The following KL variants were observed in gnomAD, a reference collection of about 807,000 sequenced individuals.
KL encodes the protein alpha-klotho.
A neutral mutation model predicts 84.2 loss-of-function variants in KL; 62 were observed. That is an observed-to-expected ratio of 0.74 (90% confidence interval 0.60 to 0.91). KL has a LOEUF of 0.91. Ranked by LOEUF, KL falls within the 40% of genes least tolerant of loss-of-function variation. The probability of loss-of-function intolerance (pLI) is 0.00; values close to 1 mark genes in which losing one functional copy is unlikely to be tolerated. For missense variants in KL, 1,261 were observed against 1,305.7 expected (o/e 0.97, Z 0.53); for synonymous variants, 528 against 528.0 (o/e 1.00, Z 0.00).
intron 1 of KL, among the ~76,000 whole-genome samples, chr13:33,024,913 C>T (rs1057275049): frequency 6.6e-6 from 1 of 152,126 alleles, no homozygotes; most frequent in African/African-American, 2.4e-5. Context: ...CATTGCTCAC[C>T]AAAGGTATAC....
In KL at chr13:33,063,913, T is replaced by C; in HGVS notation, c.2766T>C (p.Ala922=). Residue 922 remains alanine (A), a synonymous_variant, in exon 5 of 5, where the codon GCT becomes GCC. Transcript: ENST00000380099. ...CTTATTCGTTTAACGACCGCACAGC[T>C]CCGAGGTTTGGCCTCTATCGTTATG... is the stretch of plus-strand genomic sequence containing the variant. The part of the protein sequence containing the change: ...YFAYSFNDRT[A]PRFGLYRYAA... The C allele has an allele frequency of 6.2e-7, 1 of 1,614,192 alleles. No homozygotes were observed. The highest frequency in any genetic ancestry group is 1.1e-5 in the South Asian group (1 of 91,080).
At chr13:33,045,058 A>G (rs1871476797) in intron 1 of KL, among the ~76,000 whole-genome samples, 1 of 152,148 alleles carries the variant, frequency 6.6e-6, no homozygotes, top group African/African-American at 2.4e-5. Flanking sequence ...TTTAATAGCA[A>G]TGGTGAGAGT....
chr13:33,059,504 G>T (rs913823813), intron 3 of KL, among the ~76,000 whole-genome samples: 1 of 150,432 alleles, frequency 6.6e-6, no homozygotes, highest in South Asian at 2.1e-4. Flanking sequence ...ATGAAGTCTC[G>T]CTCTGTCACT....
In KL at chr13:33,061,908, C is replaced by A. The variant is rs866914278; in HGVS notation, c.2701+128C>A. 1.0e-4 allele frequency: 98 copies of A among 933,338 alleles called. 1 individual carries two copies. The South Asian group carries it at 1.1e-3, about 10-fold the overall frequency. The allele number at this position is 933,338 out of a possible 1,614,324, so 57.8% of individuals were successfully genotyped here. A position where few individuals can be genotyped will look rare whatever the true frequency, so the allele number is the denominator to read the frequency against. On this transcript the variant is annotated intron_variant, in intron 4 of 4. Coordinates refer to ENST00000380099, the MANE Select transcript of KL (RefSeq NM_004795.4). The stretch of plus-strand genomic sequence containing the variant: ...GGAGGGCTATCCATTTTGTGCCTCA[C>A]TGAAACAGTCCAAGAGATATCTAGC...
chr13:33,017,196 C>T lies in KL; in HGVS notation c.756C>T (p.Arg252=), dbSNP rs1219198487. 6.3e-7 allele frequency: 1 copy of T among 1,597,644 alleles called. No homozygotes were observed. Among genetic ancestry groups the T allele is most frequent in the Non-Finnish European group, 8.5e-7 (1 of 1,178,988 alleles). The change falls in exon 1 of 5, where the codon CGC becomes CGT. Residue 252 remains arginine (R), a synonymous_variant. Transcript: ENST00000380099. ...VVAWHGYATG[R]LAPGIRGSPR... ...CCTGGCACGGCTACGCCACCGGGCG[C>T]CTGGCCCCCGGCATCCGGGGCAGCC...
chr13:33,063,899 A>G lies in KL; in HGVS notation c.2752A>G (p.Asn918Asp). The change falls in exon 5 of 5, where the codon AAC becomes GAC. Residue 918 changes from asparagine (N) to aspartate (D), a missense_variant. Asn to Asp is a conservative substitution (Grantham distance 23, BLOSUM62 1). Coordinates refer to ENST00000380099, the MANE Select transcript of KL (RefSeq NM_004795.4). ...TTGCGGATACTTTGCTTATTCGTTTAACGACCGCACAGCTCCGAGGTTTGG... is the reference window on the plus strand; with the variant it reads ...TTGCGGATACTTTGCTTATTCGTTTGACGACCGCACAGCTCCGAGGTTTGG... ...NLCGYFAYSF[N>D]DRTAPRFGLY... 8 of 1,614,134 alleles carry G rather than the reference A, an allele frequency of 5.0e-6. No homozygotes were observed. The highest frequency in any genetic ancestry group is 6.8e-6 in the Non-Finnish European group (8 of 1,180,034).
chr13:33,022,407 A>T (rs1024605917), intron 1 of KL, among the ~76,000 whole-genome samples: 2 of 152,194 alleles, frequency 1.3e-5, no homozygotes, highest in Non-Finnish European at 2.9e-5. Flanking sequence ...TTTTAGGTGG[A>T]GGAGGAGAAT....
In KL at chr13:33,063,889, T is replaced by G. The variant is rs1440963137; in HGVS notation, c.2742T>G (p.Ala914=). The G allele has an allele frequency of 6.8e-6, 11 of 1,614,120 alleles. No homozygotes were observed. The Admixed American group carries it at 1.7e-4, about 24-fold the overall frequency. ...LDGINLCGYF[A]YSFNDRTAPR... is the part of the protein sequence containing the mutation. ...GTATCAATCTTTGCGGATACTTTGCTTATTCGTTTAACGACCGCACAGCTC... is the reference window on the plus strand; with the variant it reads ...GTATCAATCTTTGCGGATACTTTGCGTATTCGTTTAACGACCGCACAGCTC... The change falls in exon 5 of 5, where the codon GCT becomes GCG. Residue 914 remains alanine, a synonymous_variant. Coordinates refer to ENST00000380099, the MANE Select transcript of KL (RefSeq NM_004795.4).
chr13:33,061,011 C>T lies in KL; in HGVS notation c.1932C>T (p.Asn644=), dbSNP rs1872163061. 1 of 1,612,892 alleles carries T rather than the reference C, an allele frequency of 6.2e-7. No individual in the cohort carries two copies. Residue 644 remains asparagine, a synonymous_variant, in exon 4 of 5, where the codon AAC becomes AAT. Coordinates refer to ENST00000380099, the MANE Select transcript of KL (RefSeq NM_004795.4). ...CCCTGTGGCAGCCTATGGCCCCGAACCAAGGACTGCCGCGCCTCCTGGCCA... is the reference window on the plus strand; with the variant it reads ...CCCTGTGGCAGCCTATGGCCCCGAATCAAGGACTGCCGCGCCTCCTGGCCA... The part of the protein sequence containing the change: ...VVALWQPMAP[N]QGLPRLLARQ...
chr13:33,044,711 C>T (rs1363383355), intron 1 of KL, among the ~76,000 whole-genome samples: 2 of 119,236 alleles, frequency 1.7e-5, no homozygotes, highest in Admixed American at 1.2e-4. Flanking sequence ...AGTGCAGTGG[C>T]GTGATCAGCA....
At chr13:33,056,173 G>C (rs1050926052) in intron 3 of KL, among the ~76,000 whole-genome samples, 3 of 152,194 alleles carry the variant, frequency 2.0e-5, no homozygotes, top group African/African-American at 7.2e-5. Flanking sequence ...TAAGTAACAA[G>C]GGCGGGGCTG....
In KL at chr13:33,064,287, A is replaced by G. The variant is rs2138248100; in HGVS notation, c.*101A>G. The G allele has an allele frequency of 1.1e-6, 1 of 922,740 alleles. No individual in the cohort carries two copies. The highest frequency in any genetic ancestry group is 2.6e-5 in the East Asian group (1 of 39,198). The allele number at this position is 922,740 out of a possible 1,614,324, so 57.2% of individuals were successfully genotyped here. ...AGTGTTGTGAAACTGTAAATTTCATACATTTGACTTCTAGAAAACATTTTT... is the reference window on the plus strand; with the variant it reads ...AGTGTTGTGAAACTGTAAATTTCATGCATTTGACTTCTAGAAAACATTTTT... On this transcript the variant is annotated 3_prime_UTR_variant, in exon 5 of 5. Transcript: ENST00000380099.
chr13:33,059,977 T>C (rs1872111914), intron 3 of KL, among the ~76,000 whole-genome samples: 1 of 152,232 alleles, frequency 6.6e-6, no homozygotes, highest in African/African-American at 2.4e-5. Context: ...TAAATCTTCT[T>C]TTTTGAGACA....
At position 33,059,089 on chromosome 13, in the gene KL, C is replaced by A. The variant is rs1043829574; in HGVS notation, c.1600-1590C>A. Reference sequence around the variant, plus strand: ...AACAGGCCCGTAAAATGCAACAAAACCTCTGCTATGGTTTCTGACCCCTGC... The same window carrying A: ...AACAGGCCCGTAAAATGCAACAAAAACTCTGCTATGGTTTCTGACCCCTGC... On this transcript the variant is annotated intron_variant, in intron 3 of 4. Coordinates refer to ENST00000380099, the MANE Select transcript of KL (RefSeq NM_004795.4). Among the ~76,000 whole-genome samples the A allele has an allele frequency of 5.8e-4, 88 of 152,274 alleles. 1 individual carries two copies. Among genetic ancestry groups the A allele is most frequent in the Non-Finnish European group, 1.2e-3 (81 of 68,014 alleles).
intron 1 of KL, among the ~76,000 whole-genome samples, chr13:33,040,005 C>CAT (rs950225300): frequency 1.4e-4 from 21 of 152,184 alleles, no homozygotes; most frequent in Admixed American, 2.6e-4. Flanking sequence ...CCTGTTCACA[C>CAT]ATATTCGTCT....
chr13:33,044,650 T>C (rs1266450046), intron 1 of KL, among the ~76,000 whole-genome samples: 8 of 94,788 alleles, frequency 8.4e-5, no homozygotes, highest in Non-Finnish European at 1.3e-4. Flanking sequence ...CTTTTTTTTT[T>C]TTTTTTTTTT....
chr13:33,053,759 C>T lies in KL; in HGVS notation c.820-8C>T. 6.2e-7 allele frequency: 1 copy of T among 1,614,006 alleles called. No homozygotes were observed. Among genetic ancestry groups the T allele is most frequent in the Non-Finnish European group, 8.5e-7 (1 of 1,179,902 alleles). On this transcript the variant is annotated splice_polypyrimidine_tract_variant and splice_region_variant and intron_variant, in intron 1 of 4. Coordinates refer to ENST00000380099, the MANE Select transcript of KL (RefSeq NM_004795.4). ...GAGATAAATTTGCCATGGTTTTTCT[C>T]TTCATAGGCTCATGCCAAAGTCTGG...
intron 1 of KL, among the ~76,000 whole-genome samples, chr13:33,030,381 T>G (rs891365470): frequency 6.6e-6 from 1 of 152,230 alleles, no homozygotes. Context: ...ATAGTACTGA[T>G]GCATTTTTGT....
intron 1 of KL, among the ~76,000 whole-genome samples, chr13:33,040,897 C>T (rs754646548): frequency 6.6e-5 from 10 of 152,180 alleles, no homozygotes; most frequent in Non-Finnish European, 1.2e-4. Flanking sequence ...CCCCTCCTCA[C>T]ATGCAACATG....
Sources: gnomAD v4.1 joint callset for allele counts (sites outside exome capture counted in the v4.1 genomes callset) on GRCh38, gnomAD v4.1.1 for gene constraint, MANE v1.5 for transcripts, NCBI Gene and HGNC (gene_info 2026-07-23, HGNC 2026-07-21) for gene names.